The following SSUH2 variants were observed in gnomAD, a reference collection of about 807,000 sequenced individuals.
The protein encoded by SSUH2 is protein SSUH2 homolog.
SSUH2 carries 47 observed loss-of-function variants against 55.3 expected under a neutral mutation model. The observed-to-expected ratio is 0.85, with a 90% CI of 0.67 to 1.08. The LOEUF (loss-of-function observed/expected upper bound fraction) is 1.08, where lower values mean the gene tolerates loss of function less well. Ranked by LOEUF, SSUH2 falls within the 50% of genes least tolerant of loss-of-function variation. The pLI is 0.00. For synonymous variants in SSUH2, 212 were observed against 191.5 expected (o/e 1.11, Z -0.89); for missense variants, 535 against 490.7 (o/e 1.09, Z -0.85).
At chr3:8,675,290 C>A (rs425547) in intron 3 of SSUH2, among the ~76,000 whole-genome samples, 115,418 of 152,066 alleles carry the variant, frequency 0.76, 44,836 homozygotes, top group East Asian at 0.95. Context: ...GGTGTCACTA[C>A]TCAGTACACT....
chr3:8,620,574 C>T lies in SSUH2; in HGVS notation c.982-560G>A, dbSNP rs1405453547. Among the ~76,000 whole-genome samples, 4 of 152,210 alleles carry T rather than the reference C, an allele frequency of 2.6e-5. No individual in the cohort carries two copies. The East Asian group carries it at 7.7e-4, about 29-fold the overall frequency. ...GTATCTCCTACTGTGCTCCTTCACG[C>T]ACCCTAAGCTCTGGCCAAAACCGAC... On this transcript the variant is annotated intron_variant, in intron 11 of 11. Coordinates refer to ENST00000544814, the MANE Select transcript of SSUH2 (RefSeq NM_001256748.3).
At chr3:8,635,425 GAAC>G (rs961459983) in intron 2 of SSUH2, 44 bp from the exon 3 acceptor site, 1 of 1,377,934 alleles carries the variant, frequency 7.3e-7, no homozygotes, top group African/African-American at 1.4e-5. Context: ...CAGGCCAAAG[GAAC>G]AAATATTTGT....
intron 1 of SSUH2, among the ~76,000 whole-genome samples, chr3:8,642,028 A>G (rs1316092454): frequency 6.6e-6 from 1 of 152,090 alleles, no homozygotes; most frequent in East Asian, 1.9e-4. Context: ...GTCCACAGGA[A>G]CTCATGCCCA....
Position 8,663,782 on chromosome 3 carries a change from C to T in SSUH2, c.-434G>A, listed in dbSNP as rs552216092. On this transcript the variant is annotated 5_prime_UTR_variant, in exon 6 of 19. Transcript: ENST00000317371. ...TCCCAACAACTGGTTTCCATAGGTA[C>T]CACAGGGGACACACAGGTAACTGTA... The T allele has an allele frequency of 6.9e-4, 317 of 456,586 alleles. 2 individuals are homozygous for T. Among genetic ancestry groups the T allele is most frequent in the Non-Finnish European group, 2.8e-4 (64 of 226,914 alleles). The allele number at this position is 456,586 out of a possible 1,614,324, so 28.3% of individuals were successfully genotyped here.
chr3:8,644,319 A>G (rs6775262), intron 1 of SSUH2, among the ~76,000 whole-genome samples: 16,814 of 152,216 alleles, frequency 0.11, 947 homozygotes, highest in East Asian at 0.19. Flanking sequence ...TCTCACTTAG[A>G]TTTGGCTGGG....
At chr3:8,660,581 G>C (rs1021409083) in intron 6 of SSUH2, among the ~76,000 whole-genome samples, 2 of 152,192 alleles carry the variant, frequency 1.3e-5, no homozygotes, top group Non-Finnish European at 1.5e-5. Flanking sequence ...AAGAGAGAAA[G>C]ACAAATTCCT....
intron 1 of SSUH2, among the ~76,000 whole-genome samples, chr3:8,681,666 A>C (rs1254146869): frequency 7.4e-6 from 1 of 134,604 alleles, no homozygotes; most frequent in Non-Finnish European, 1.6e-5. Context: ...TGGGGACTGA[A>C]AGTCAGCCCC....
At chr3:8,639,650 C>T (rs1700509693) in intron 1 of SSUH2, among the ~76,000 whole-genome samples, 1 of 152,256 alleles carries the variant, frequency 6.6e-6, no homozygotes, top group South Asian at 2.1e-4. Flanking sequence ...TAATGGGTAA[C>T]CCCTTTAACG....
intron 7 of SSUH2, among the ~76,000 whole-genome samples, chr3:8,652,808 G>T (rs1338916084): frequency 6.6e-6 from 1 of 152,186 alleles, no homozygotes; most frequent in African/African-American, 2.4e-5. Context: ...CCTCTAGGAA[G>T]CCTTTCATGA....
intron 2 of SSUH2, among the ~76,000 whole-genome samples, chr3:8,679,500 C>T (rs1705804344): frequency 6.6e-6 from 1 of 150,394 alleles, no homozygotes; most frequent in South Asian, 2.1e-4. Context: ...TATTCCCCCC[C>T]TGGCTTTGGG....
chr3:8,629,461 A>G (rs1396023298), intron 7 of SSUH2: 8 of 581,838 alleles, frequency 1.4e-5, no homozygotes, highest in Non-Finnish European at 2.4e-5. Flanking sequence ...CGAACTGTCA[A>G]AGTGAAAGTG....
intron 5 of SSUH2, among the ~76,000 whole-genome samples, chr3:8,631,666 G>C (rs556283965): frequency 6.6e-6 from 1 of 152,168 alleles, no homozygotes. Context: ...GCAGAAGGTG[G>C]GGTGGCAAGG....
chr3:8,680,967 C>T (rs549821058), intron 1 of SSUH2, among the ~76,000 whole-genome samples: 5 of 151,668 alleles, frequency 3.3e-5, no homozygotes, highest in South Asian at 2.1e-4. Flanking sequence ...CATCCTCTCC[C>T]CCTCTTCCCT....
At chr3:8,659,774 GT>G (rs773052047) in intron 6 of SSUH2, 1 of 456,470 alleles carries the variant, frequency 2.2e-6, no homozygotes, top group Non-Finnish European at 4.4e-6. Context: ...TGTGTGCAGT[GT>G]AAGAGATATG....
At chr3:8,624,319 G>A (rs762023626) in intron 10 of SSUH2, among the ~76,000 whole-genome samples, 11 of 152,204 alleles carry the variant, frequency 7.2e-5, no homozygotes, top group African/African-American at 2.2e-4. Flanking sequence ...AGGGTGAGAC[G>A]GTGGTCAGAG....
At chr3:8,681,603 T>TC (rs1190228701) in intron 1 of SSUH2, among the ~76,000 whole-genome samples, 1 of 134,440 alleles carries the variant, frequency 7.4e-6, no homozygotes, top group African/African-American at 2.9e-5. Context: ...GCCACTCTTT[T>TC]CCCCCGGCTC....
intron 10 of SSUH2, among the ~76,000 whole-genome samples, 179 bp downstream of exon 10, chr3:8,625,363 C>G (rs561740729): frequency 1.3e-5 from 2 of 152,180 alleles, no homozygotes; most frequent in South Asian, 4.2e-4. Context: ...GTGTAAAAGT[C>G]AAAAGGAAAC....
Position 8,623,753 on chromosome 3 carries a change from G to A in SSUH2, c.874-97C>T, listed in dbSNP as rs530835458. The A allele has an allele frequency of 9.0e-4, 563 of 624,156 alleles. 1 individual carries two copies. Among genetic ancestry groups the A allele is most frequent in the Non-Finnish European group, 9.1e-4 (322 of 355,128 alleles). The allele number at this position is 624,156 out of a possible 1,614,324, so 38.7% of individuals were successfully genotyped here. A position where few individuals can be genotyped will look rare whatever the true frequency, so the allele number is the denominator to read the frequency against. ...CTAGAGCCAGAGCCAGAGCCAGACAGAGAAGGGGGCTGAGAGAGGGACCCA... is the reference window on the plus strand; with the variant it reads ...CTAGAGCCAGAGCCAGAGCCAGACAAAGAAGGGGGCTGAGAGAGGGACCCA... On this transcript the variant is annotated intron_variant, in intron 10 of 11. Coordinates refer to ENST00000544814, the MANE Select transcript of SSUH2 (RefSeq NM_001256748.3).
intron 1 of SSUH2, among the ~76,000 whole-genome samples, chr3:8,637,250 A>T (rs1286607777): frequency 6.6e-6 from 1 of 152,192 alleles, no homozygotes; most frequent in East Asian, 1.9e-4. Flanking sequence ...ACCCCACTGT[A>T]GGTGGAGTAG....
Sources: allele counts gnomAD v4.1 joint callset (sites outside exome capture counted in the v4.1 genomes callset), GRCh38; gene constraint gnomAD v4.1.1; transcripts MANE v1.5; gene names NCBI Gene and HGNC (gene_info 2026-07-23, HGNC 2026-07-21).